The following ITGBL1 variants were observed in gnomAD, a reference collection of about 807,000 sequenced individuals.
The protein encoded by ITGBL1 is integrin beta-like protein 1.
Under a neutral mutation model 68.5 loss-of-function variants are expected in ITGBL1, and 51 were observed. That is an observed-to-expected ratio of 0.74 (90% CI 0.59 to 0.94). The LOEUF is 0.94. Ranked by LOEUF, ITGBL1 falls within the 40% of genes least tolerant of loss-of-function variation. The probability of loss-of-function intolerance (pLI) is 0.00; values close to 1 mark genes in which losing one functional copy is unlikely to be tolerated. For missense variants in ITGBL1, 649 were observed against 647.4 expected, an observed-to-expected ratio of 1.00 and a Z score of -0.03; for synonymous variants, 209 against 227.3, an observed-to-expected ratio of 0.92 and a Z score of 0.72.
chr13:101,517,346 A>G (rs2049211432), intron 2 of ITGBL1, among the ~76,000 whole-genome samples: 1 of 152,164 alleles, frequency 6.6e-6, no homozygotes, highest in Non-Finnish European at 1.5e-5. Context: ...CAAGACTTTA[A>G]GACCTCTCAA....
Position 101,481,095 on chromosome 13 carries a change from C to T in ITGBL1, c.316+26995C>T, listed in dbSNP as rs951858667. Among the ~76,000 whole-genome samples the T allele has an allele frequency of 4.4e-3, 569 of 129,862 alleles. 2 individuals carry two copies. The highest frequency in any genetic ancestry group is 0.016 in the African/African-American group (533 of 33,874). 85.2% of individuals were successfully genotyped at this position (129,862 alleles called of 152,430 possible). ...ACATATATATACACACATATATATACACACACGTGCATGTATATACACATA... is the reference window on the plus strand; with the variant it reads ...ACATATATATACACACATATATATATACACACGTGCATGTATATACACATA... On this transcript the variant is annotated intron_variant, in intron 2 of 10. Transcript: ENST00000376180.
chr13:101,689,211 T>TAAAAAAAAAAAAA lies in ITGBL1; in HGVS notation c.1016-3364_1016-3352dup, dbSNP rs34627046. On this transcript the variant is annotated intron_variant, in intron 7 of 10. Coordinates refer to ENST00000376180, the MANE Select transcript of ITGBL1 (RefSeq NM_004791.3). ...CCTGGGGACAGAGCAAGACTCTGCC[T>TAAAAAAAAAAAAA]AAAAAAAAAAAAAAAAAAAAAATTA... Among the ~76,000 whole-genome samples, 148 of 74,856 alleles carry TAAAAAAAAAAAAA rather than the reference T, an allele frequency of 2.0e-3. 7 individuals carry two copies. The highest frequency in any genetic ancestry group is 2.4e-3 in the Non-Finnish European group (91 of 37,784). The allele number at this position is 74,856 out of a possible 152,430, so 49.1% of individuals were successfully genotyped here.
intron 2 of ITGBL1, among the ~76,000 whole-genome samples, chr13:101,469,359 T>C (rs1217075875): frequency 3.9e-5 from 6 of 152,174 alleles, no homozygotes; most frequent in Admixed American, 6.6e-5. Context: ...GATATTGTGG[T>C]CTTTCAATAT....
chr13:101,485,872 G>A (rs1566696746), intron 2 of ITGBL1, among the ~76,000 whole-genome samples: 1 of 152,058 alleles, frequency 6.6e-6, no homozygotes, highest in Non-Finnish European at 1.5e-5. Flanking sequence ...GGTGAAAAGG[G>A]CACACTTTTA....
chr13:101,616,594 G>A (rs1204596583), intron 7 of ITGBL1, among the ~76,000 whole-genome samples: 2 of 152,066 alleles, frequency 1.3e-5, no homozygotes, highest in African/African-American at 2.4e-5. Context: ...AGGTTGAAGC[G>A]ATTCTCCTGC....
At chr13:101,530,270 G>T (rs1329159634) in intron 2 of ITGBL1, among the ~76,000 whole-genome samples, 3 of 151,928 alleles carry the variant, frequency 2.0e-5, no homozygotes, top group Admixed American at 6.6e-5. Flanking sequence ...GAGAGAGCGC[G>T]AGGGGAGAGA....
chr13:101,581,292 C>T (rs2050453877), intron 5 of ITGBL1, among the ~76,000 whole-genome samples: 1 of 152,116 alleles, frequency 6.6e-6, no homozygotes, highest in South Asian at 2.1e-4. Context: ...GTCCCTGTTC[C>T]TCCTGACCAA....
At chr13:101,509,112 C>T (rs1310532571) in intron 2 of ITGBL1, among the ~76,000 whole-genome samples, 1 of 152,120 alleles carries the variant, frequency 6.6e-6, no homozygotes, top group African/African-American at 2.4e-5. Flanking sequence ...ACTTATAGTT[C>T]CGCATGGCTG....
intron 7 of ITGBL1, among the ~76,000 whole-genome samples, chr13:101,649,651 A>T (rs931858516): frequency 2.6e-5 from 4 of 152,150 alleles, no homozygotes; most frequent in Non-Finnish European, 4.4e-5. Flanking sequence ...AGCAAGGATC[A>T]TGATTTCTCA....
intron 10 of ITGBL1, chr13:101,715,004 A>C (rs1164789004): frequency 5.9e-6 from 1 of 168,990 alleles, no homozygotes; most frequent in Non-Finnish European, 1.3e-5. Context: ...CAGCCGTGTC[A>C]TAGCCACTGC....
intron 2 of ITGBL1, among the ~76,000 whole-genome samples, chr13:101,485,414 A>G (rs2048687134): frequency 6.6e-6 from 1 of 152,086 alleles, no homozygotes; most frequent in Admixed American, 6.6e-5. Context: ...AGATATACAA[A>G]CAGCTAACAA....
chr13:101,549,308 G>A (rs1415941639), intron 2 of ITGBL1, among the ~76,000 whole-genome samples: 4 of 151,774 alleles, frequency 2.6e-5, no homozygotes, highest in Admixed American at 6.6e-5. Flanking sequence ...AAAATTTCCA[G>A]ATTTATGCAT....
chr13:101,519,162 C>T (rs868534724), intron 2 of ITGBL1, among the ~76,000 whole-genome samples: 43 of 151,884 alleles, frequency 2.8e-4, no homozygotes, highest in African/African-American at 9.9e-4. Flanking sequence ...TGAAAATAAA[C>T]CTTTTTGGGG....
chr13:101,538,015 T>C (rs1425261482), intron 2 of ITGBL1, among the ~76,000 whole-genome samples: 2 of 152,096 alleles, frequency 1.3e-5, no homozygotes, highest in East Asian at 3.8e-4. Context: ...ATAATGTCTA[T>C]GCACACATAC....
intron 7 of ITGBL1, among the ~76,000 whole-genome samples, chr13:101,631,832 T>C (rs1469383361): frequency 6.6e-6 from 1 of 151,970 alleles, no homozygotes; most frequent in East Asian, 1.9e-4. Context: ...AGTTAATGAG[T>C]AAAGGAAACA....
intron 2 of ITGBL1, among the ~76,000 whole-genome samples, chr13:101,509,903 AACTT>A (rs5806225): frequency 0.23 from 35,304 of 151,896 alleles, 4,240 homozygotes; most frequent in East Asian, 0.45. Context: ...TATAACAATT[AACTT>A]ACTTAATTCA....
At chr13:101,587,477 G>C (rs1399542944) in intron 6 of ITGBL1, among the ~76,000 whole-genome samples, 3 of 152,144 alleles carry the variant, frequency 2.0e-5, no homozygotes, top group African/African-American at 7.2e-5. Flanking sequence ...GCATCCTGAC[G>C]TGTCCCGACT....
intron 7 of ITGBL1, among the ~76,000 whole-genome samples, chr13:101,628,148 G>T (rs1382493108): frequency 2.0e-5 from 3 of 152,184 alleles, no homozygotes. Context: ...TCTAACAAGC[G>T]TATAGTGGTA....
At position 101,539,044 on chromosome 13, in the gene ITGBL1, C is replaced by T. The variant is rs2049633016; in HGVS notation, c.317-28655C>T. On this transcript the variant is annotated intron_variant, in intron 2 of 10. Transcript: ENST00000376180. Reference sequence around the variant, plus strand: ...GTGTGACTTTGAGATTTATGCTGTGCTGCTTCTTTTTTTTTTTTTTTTTTT... The same window carrying T: ...GTGTGACTTTGAGATTTATGCTGTGTTGCTTCTTTTTTTTTTTTTTTTTTT... Among the ~76,000 whole-genome samples, 3 of 128,082 alleles carry T rather than the reference C, an allele frequency of 2.3e-5. No individual in the cohort carries two copies. The South Asian group carries it at 8.3e-4, about 36-fold the overall frequency. 84.0% of individuals were successfully genotyped at this position (128,082 alleles called of 152,430 possible).
Sources: gnomAD v4.1 joint callset for allele counts (sites outside exome capture counted in the v4.1 genomes callset) on GRCh38, gnomAD v4.1.1 for gene constraint, MANE v1.5 for transcripts, NCBI Gene and HGNC (gene_info 2026-07-23, HGNC 2026-07-21) for gene names.